The following CIDEC variants were observed in gnomAD, a reference collection of about 807,000 sequenced individuals.
The protein encoded by CIDEC is lipid transferase CIDEC.
CIDEC carries 11 observed loss-of-function variants against 21.9 expected under a neutral mutation model. The ratio of observed to expected loss-of-function variants is 0.50; its 90% CI spans 0.32 to 0.83. The LOEUF (loss-of-function observed/expected upper bound fraction) is 0.83, where lower values mean the gene tolerates loss of function less well. CIDEC is among the 40% of genes least tolerant of loss of function. The pLI, the probability that CIDEC is intolerant of heterozygous loss-of-function variation, is 0.04. For synonymous variants in CIDEC, 127 were observed against 124.9 expected, an observed-to-expected ratio of 1.02 and a Z score of -0.11; for missense variants, 302 against 302.3, an observed-to-expected ratio of 1.00 and a Z score of 0.01.
At position 9,866,995 on chromosome 3, in the gene CIDEC, C is replaced by T; in HGVS notation, c.*139G>A. 3.1e-6 allele frequency: 3 copies of T among 969,026 alleles called. No homozygotes were observed. Among genetic ancestry groups the T allele is most frequent in the Non-Finnish European group, 1.7e-6 (1 of 598,268 alleles). The allele number at this position is 969,026 out of a possible 1,614,324, so 60.0% of individuals were successfully genotyped here. A position where few individuals can be genotyped will look rare whatever the true frequency, so the allele number is the denominator to read the frequency against. ...CACCCCAGGTTTCCAGCTCCTCCTC[C>T]TCACTCAGGGTCCTGCGCGGTGAGG... On this transcript the variant is annotated 3_prime_UTR_variant, in exon 7 of 7. Transcript: ENST00000336832.
At chr3:9,877,364 C>CAGAAGCCTGCT (rs2082441097) in intron 3 of CIDEC, 145 bp from the exon 4 acceptor site, 1 of 832,552 alleles carries the variant, frequency 1.2e-6, no homozygotes, top group African/African-American at 1.7e-5. Flanking sequence ...TAGTCTTACT[C>CAGAAGCCTGCT]AGAAGCCTGC....
intron 6 of CIDEC, among the ~76,000 whole-genome samples, chr3:9,868,204 G>A (rs2082299304): frequency 6.6e-6 from 1 of 152,156 alleles, no homozygotes; most frequent in South Asian, 2.1e-4. Flanking sequence ...ACTTTCTCAT[G>A]CAAAACCCCA....
intron 5 of CIDEC, 28 bp downstream of exon 5, chr3:9,870,136 C>CAGA (rs2082327639): frequency 6.2e-7 from 1 of 1,614,040 alleles, no homozygotes. Flanking sequence ...ATTTTCTCCC[C>CAGA]CATCAGGTGC....
intron 1 of CIDEC, 50 bp downstream of exon 1, chr3:9,880,174 G>C (rs774772273): frequency 1.3e-5 from 2 of 151,790 alleles, no homozygotes; most frequent in Non-Finnish European, 2.9e-5. Context: ...TGCTCTCCAG[G>C]AGCAAAGAAA....
chr3:9,870,543 A>G (rs2082334219), intron 4 of CIDEC: 1 of 1,366,916 alleles, frequency 7.3e-7, no homozygotes, highest in South Asian at 1.2e-5. Flanking sequence ...TACAGTTTAC[A>G]TACTCTAAAA....
intron 6 of CIDEC, among the ~76,000 whole-genome samples, 160 bp from the exon 7 acceptor site, chr3:9,867,456 C>T (rs59540834): frequency 1.3e-5 from 2 of 152,292 alleles, no homozygotes; most frequent in Non-Finnish European, 2.9e-5. Flanking sequence ...TCTGTCTCTA[C>T]TAAAAATACA....
chr3:9,878,540 G>A (rs745695964), intron 2 of CIDEC, 29 bp from the exon 3 acceptor site: 3 of 1,586,960 alleles, frequency 1.9e-6, no homozygotes, highest in South Asian at 1.1e-5. Flanking sequence ...CAATTCATCA[G>A]GGTGAGATGA....
At chr3:9,875,876 G>T (rs187075423) in intron 4 of CIDEC, among the ~76,000 whole-genome samples, 3 of 152,288 alleles carry the variant, frequency 2.0e-5, no homozygotes, top group African/African-American at 7.2e-5. Context: ...TTGATGCAGG[G>T]GGTGCCCAGA....
intron 4 of CIDEC, among the ~76,000 whole-genome samples, chr3:9,874,741 A>T (rs1269461480): frequency 5.3e-5 from 8 of 151,846 alleles, no homozygotes; most frequent in Non-Finnish European, 1.0e-4. Context: ...TCTTTTTAAA[A>T]TTTTTTTTAA....
Position 9,866,937 on chromosome 3 carries a change from G to A in CIDEC, c.*197C>T. On this transcript the variant is annotated 3_prime_UTR_variant, in exon 7 of 7. Coordinates refer to ENST00000336832, the MANE Select transcript of CIDEC (RefSeq NM_001321142.2). ...CCTTGGGCAGGAAGGAGCTGGATCA[G>A]GCCAGGAGCTTGAGGTTCTCCTTTG... 1.5e-6 allele frequency: 1 copy of A among 680,968 alleles called. No individual in the cohort carries two copies. Among genetic ancestry groups the A allele is most frequent in the Admixed American group, 2.1e-5 (1 of 48,356 alleles). The allele number at this position is 680,968 out of a possible 1,614,324, so 42.2% of individuals were successfully genotyped here.
At chr3:9,878,711 C>T (rs933978181) in intron 2 of CIDEC, 200 bp from the exon 3 acceptor site, 3 of 1,523,508 alleles carry the variant, frequency 2.0e-6, no homozygotes, top group Non-Finnish European at 2.6e-6. Flanking sequence ...GACCCCACCC[C>T]TCTCCCCACC....
intron 4 of CIDEC, among the ~76,000 whole-genome samples, chr3:9,871,950 G>A (rs2082353973): frequency 6.6e-6 from 1 of 151,560 alleles, no homozygotes; most frequent in African/African-American, 2.4e-5. Context: ...TTTTTCGTTT[G>A]TTTGTTTTGT....
At chr3:9,879,266 C>T (rs2082473210) in intron 1 of CIDEC, among the ~76,000 whole-genome samples, 1 of 150,790 alleles carries the variant, frequency 6.6e-6, no homozygotes, top group South Asian at 2.1e-4. Context: ...ATTATCCTGC[C>T]TCAGCCTCCC....
At position 9,870,256 on chromosome 3, in the gene CIDEC, C is replaced by G. The variant is rs370820713; in HGVS notation, c.274G>C (p.Val92Leu). The G allele has an allele frequency of 2.5e-6, 4 of 1,614,004 alleles. No individual in the cohort carries two copies. In the African/African-American group the frequency reaches 4.0e-5, roughly 16 times the overall value. ...GCTTGGAAGTACTCTTCTGTCTCTA[C>G]AGTTGTGCCATCTTCCTCCAGCACC... ...FLVLEEDGTTVETEEYFQALA... is the reference protein window; with the variant it reads ...FLVLEEDGTTLETEEYFQALA... Residue 92 changes from valine (V) to leucine (L), a missense_variant, in exon 5 of 7, where the codon GTA (valine) becomes CTA (leucine). Val to Leu is a conservative substitution (Grantham distance 32, BLOSUM62 1). Coordinates refer to ENST00000336832, the MANE Select transcript of CIDEC (RefSeq NM_001321142.2).
intron 4 of CIDEC, among the ~76,000 whole-genome samples, chr3:9,875,376 C>CA (rs34070196): frequency 0.66 from 77,192 of 116,632 alleles, 25,101 homozygotes; most frequent in Admixed American, 0.76. Flanking sequence ...GACTCTGTCT[C>CA]AAAAAAAAAA....
chr3:9,867,008 C>T lies in CIDEC; in HGVS notation c.*126G>A. 1 of 1,046,028 alleles carries T rather than the reference C, an allele frequency of 9.6e-7. No individual in the cohort carries two copies. Among genetic ancestry groups the T allele is most frequent in the Non-Finnish European group, 1.5e-6 (1 of 666,782 alleles). 64.8% of individuals were successfully genotyped at this position (1,046,028 alleles called of 1,614,324 possible). ...CAGCTCCTCCTCCTCACTCAGGGTC[C>T]TGCGCGGTGAGGGAGGTGTGGGGAG... On this transcript the variant is annotated 3_prime_UTR_variant, in exon 7 of 7. Coordinates refer to ENST00000336832, the MANE Select transcript of CIDEC (RefSeq NM_001321142.2).
At chr3:9,873,084 G>C (rs2082372157) in intron 4 of CIDEC, among the ~76,000 whole-genome samples, 1 of 151,808 alleles carries the variant, frequency 6.6e-6, no homozygotes, top group Admixed American at 6.6e-5. Flanking sequence ...GGTTTGTTTT[G>C]GTTTTGTTTT....
chr3:9,866,799 C>A lies in CIDEC; in HGVS notation c.*335G>T. 1.8e-6 allele frequency: 1 copy of A among 570,286 alleles called. No individual in the cohort carries two copies. The highest frequency in any genetic ancestry group is 2.9e-5 in the East Asian group (1 of 34,128). 35.3% of individuals were successfully genotyped at this position (570,286 alleles called of 1,614,324 possible). ...ACTCAGGAATGTTCCGGGATGGGGGCCAGAAGGTAGAGAGCACCATGAAAG... is the reference window on the plus strand; with the variant it reads ...ACTCAGGAATGTTCCGGGATGGGGGACAGAAGGTAGAGAGCACCATGAAAG... On this transcript the variant is annotated 3_prime_UTR_variant, in exon 7 of 7. Transcript: ENST00000336832.
Position 9,878,523 on chromosome 3 carries a change from G to A in CIDEC, c.-25-12C>T. 1 of 1,610,840 alleles carries A rather than the reference G, an allele frequency of 6.2e-7. No homozygotes were observed. The highest frequency in any genetic ancestry group is 2.2e-5 in the East Asian group (1 of 44,870). ...GGACTGCGTTGGACCTGGGAAGGAG[G>A]CAGAAACAATTCATCAGGGTGAGAT... On this transcript the variant is annotated splice_polypyrimidine_tract_variant and intron_variant, in intron 2 of 6. Coordinates refer to ENST00000336832, the MANE Select transcript of CIDEC (RefSeq NM_001321142.2).
Sources: allele counts gnomAD v4.1 joint callset (sites outside exome capture counted in the v4.1 genomes callset), GRCh38; gene constraint gnomAD v4.1.1; transcripts MANE v1.5; gene names NCBI Gene and HGNC (gene_info 2026-07-23, HGNC 2026-07-21).